Variants in CSGALNACT1 observed in about 807,000 individuals in gnomAD.
The protein encoded by CSGALNACT1 is chondroitin sulfate N-acetylgalactosaminyltransferase 1.
In CSGALNACT1, 52 loss-of-function variants were observed where a neutral mutation model predicts 51.0. That is an observed-to-expected ratio of 1.02 (90% confidence interval 0.82 to 1.29). The LOEUF is 1.29. Ranked by LOEUF, CSGALNACT1 falls within the 50% of genes most tolerant of loss-of-function variation. The pLI is 0.00. For synonymous variants in CSGALNACT1, 341 were observed against 254.4 expected, an observed-to-expected ratio of 1.34 and a Z score of -3.24; for missense variants, 935 against 679.2, an observed-to-expected ratio of 1.38 and a Z score of -4.19.
At chr8:19,663,643 C>A (rs1173606020) in intron 1 of CSGALNACT1, among the ~76,000 whole-genome samples, 1 of 152,088 alleles carries the variant, frequency 6.6e-6, no homozygotes, top group Non-Finnish European at 1.5e-5. Flanking sequence ...GGAATGATTA[C>A]CAATTGGGGA....
chr8:19,685,078 T>C (rs781601640), upstream of CSGALNACT1, among the ~76,000 whole-genome samples: 3 of 152,134 alleles, frequency 2.0e-5, no homozygotes, highest in Non-Finnish European at 4.4e-5. Context: ...GCACAAACTT[T>C]GAAATTTGAA....
intron 6 of CSGALNACT1, among the ~76,000 whole-genome samples, chr8:19,429,008 A>T (rs76483241): frequency 0.014 from 2,198 of 152,230 alleles, 48 homozygotes; most frequent in African/African-American, 0.05. Flanking sequence ...TTCTAGTTAC[A>T]AAATGTTTTC....
chr8:19,535,704 T>C (rs1587984467), intron 3 of CSGALNACT1, among the ~76,000 whole-genome samples: 1 of 152,124 alleles, frequency 6.6e-6, no homozygotes. Flanking sequence ...ATACACCATA[T>C]TAGCAAGCCA....
chr8:19,499,989 A>G (rs1695832660), intron 4 of CSGALNACT1, among the ~76,000 whole-genome samples: 2 of 152,284 alleles, frequency 1.3e-5, no homozygotes, highest in South Asian at 4.1e-4. Flanking sequence ...CAAGCCATGT[A>G]TTTGCTTTTA....
At chr8:19,691,189 TA>T (rs1245437118) in intron 1 of CSGALNACT1, among the ~76,000 whole-genome samples, 1 of 152,114 alleles carries the variant, frequency 6.6e-6, no homozygotes, top group African/African-American at 2.4e-5. Context: ...AGAAAACAGA[TA>T]GGTCTGAGTG....
intron 4 of CSGALNACT1, among the ~76,000 whole-genome samples, chr8:19,490,995 T>C (rs1205372736): frequency 3.9e-5 from 6 of 152,008 alleles, no homozygotes; most frequent in Admixed American, 3.3e-4. Flanking sequence ...ATTCAAGCAC[T>C]GCCATATCTT....
In CSGALNACT1 at chr8:19,553,638, TAAAA is replaced by T. The variant is rs67291102; in HGVS notation, c.-297+37518_-297+37521del. On this transcript the variant is annotated intron_variant, in intron 3 of 9. Coordinates refer to ENST00000454498, the Ensembl canonical transcript of CSGALNACT1. ...ATAAATACATATATATATATATATA[TAAAA>T]AAATATGTCAGCCTTTCTATTACTT... Among the ~76,000 whole-genome samples the T allele has an allele frequency of 1.7e-4, 20 of 119,730 alleles. 1 individual carries two copies. The highest frequency in any genetic ancestry group is 1.1e-3 in the South Asian group (4 of 3,750). 78.5% of individuals were successfully genotyped at this position (119,730 alleles called of 152,430 possible).
chr8:19,496,563 G>A (rs1337130658), intron 4 of CSGALNACT1, among the ~76,000 whole-genome samples: 2 of 152,182 alleles, frequency 1.3e-5, no homozygotes, highest in Non-Finnish European at 2.9e-5. Flanking sequence ...GATATAATGA[G>A]CTGAAAGAAG....
At chr8:19,678,589 G>T (rs1189097552) in intron 1 of CSGALNACT1, 1 of 152,206 alleles carries the variant, frequency 6.6e-6, no homozygotes, top group African/African-American at 2.4e-5. Flanking sequence ...GACAAACAGT[G>T]TAAAGGAAAA....
intron 3 of CSGALNACT1, among the ~76,000 whole-genome samples, chr8:19,583,759 C>T (rs1304713999): frequency 6.6e-6 from 1 of 152,314 alleles, no homozygotes; most frequent in East Asian, 1.9e-4. Flanking sequence ...TACCTTGCAT[C>T]AGCCACAAAG....
At position 19,757,639 on chromosome 8, in the gene CSGALNACT1, G is replaced by C. The variant is rs956903324; in HGVS notation, c.-297+211C>G. On this transcript the variant is annotated intron_variant, in intron 1 of 1. Transcript: ENST00000517494. The surrounding 1 kb of genome is among the most constrained non-coding windows in gnomAD (Gnocchi z 4.0). ...GGCGTGGCCCGAGTTGCAGGAGAGA[G>C]GTGTCCAATCTCCATGGGGTCCTTA... Among the ~76,000 whole-genome samples the C allele has an allele frequency of 6.6e-6, 1 of 152,158 alleles. No individual in the cohort carries two copies. The highest frequency in any genetic ancestry group is 1.9e-4 in the East Asian group (1 of 5,170).
chr8:19,748,899 A>G (rs1422943161), intron 1 of CSGALNACT1, among the ~76,000 whole-genome samples: 2 of 151,570 alleles, frequency 1.3e-5, no homozygotes, highest in Admixed American at 6.6e-5. Context: ...CGGGAGGCAG[A>G]GGTTGCAGTG....
intron 3 of CSGALNACT1, among the ~76,000 whole-genome samples, chr8:19,579,373 A>T (rs2045051143): frequency 6.6e-6 from 1 of 152,180 alleles, no homozygotes; most frequent in Non-Finnish European, 1.5e-5. Flanking sequence ...TTTCTTCTAG[A>T]AGGCTCTGGG....
intron 3 of CSGALNACT1, among the ~76,000 whole-genome samples, chr8:19,514,186 AG>A (rs1414804893): frequency 6.6e-6 from 1 of 152,050 alleles, no homozygotes; most frequent in African/African-American, 2.4e-5. Flanking sequence ...GCGAGAGGAC[AG>A]GGGTCCCACT....
In CSGALNACT1 at chr8:19,502,122, A is replaced by G. The variant is rs529691581; in HGVS notation, c.634+3079T>C. Among the ~76,000 whole-genome samples the G allele has an allele frequency of 2.7e-4, 41 of 152,348 alleles. No homozygotes were observed. In the South Asian group the frequency reaches 2.9e-3, roughly 11 times the overall value. Reference sequence around the variant, plus strand: ...AGTGGCCACAGACAGACCAGACCTTATAAGTAACATATCTGATTGCTTCCT... The same window carrying G: ...AGTGGCCACAGACAGACCAGACCTTGTAAGTAACATATCTGATTGCTTCCT... On this transcript the variant is annotated intron_variant, in intron 4 of 9. Coordinates refer to ENST00000454498, the Ensembl canonical transcript of CSGALNACT1.
rs771659860 is a variant in CSGALNACT1 at position 19,624,432 on chromosome 8, T to C, written c.-543-22567A>G. Among the ~76,000 whole-genome samples the C allele has an allele frequency of 6.6e-5, 10 of 152,250 alleles. No homozygotes were observed. In the South Asian group the frequency reaches 1.2e-3, roughly 19 times the overall value. On this transcript the variant is annotated intron_variant, in intron 1 of 9. Coordinates refer to the CSGALNACT1 transcript ENST00000332246. ...TATAAACCATAAAGCATTTAGAACATAGAACAAAGATAATATTCAAAAGAT... is the reference window on the plus strand; with the variant it reads ...TATAAACCATAAAGCATTTAGAACACAGAACAAAGATAATATTCAAAAGAT...
chr8:19,422,848 T>G (rs2058161949), intron 6 of CSGALNACT1, among the ~76,000 whole-genome samples: 1 of 152,184 alleles, frequency 6.6e-6, no homozygotes, highest in South Asian at 2.1e-4. Context: ...TGCCTGGATT[T>G]TTACCTGTTC....
chr8:19,670,566 T>C (rs1264709624), intron 1 of CSGALNACT1, among the ~76,000 whole-genome samples: 2 of 140,804 alleles, frequency 1.4e-5, no homozygotes, highest in African/African-American at 5.3e-5. Context: ...ACATTTATTT[T>C]ATACACAGGA....
intron 4 of CSGALNACT1, among the ~76,000 whole-genome samples, chr8:19,461,930 T>TCCGCCCAGCGGC: frequency 6.8e-6 from 1 of 147,120 alleles, no homozygotes; most frequent in East Asian, 2.1e-4. Context: ...CCCACGTTAA[T>TCCGCCCAGCGGC]CACAGAGGGC....
Sources: gnomAD v4.1 joint callset for allele counts (sites outside exome capture counted in the v4.1 genomes callset) on GRCh38, gnomAD v4.1.1 for gene constraint, Gnocchi (gnomAD v3.1) non-coding constraint, MANE v1.5 for transcripts, NCBI Gene and HGNC (gene_info 2026-07-23, HGNC 2026-07-21) for gene names.